The following ZIM2 variants were observed in gnomAD, a reference collection of about 807,000 sequenced individuals.
ZIM2 encodes zinc finger protein 656.
ZIM2 carries 14 observed loss-of-function variants against 38.6 expected under a neutral mutation model. That is an observed-to-expected ratio of 0.36 (90% CI 0.24 to 0.57). The LOEUF (loss-of-function observed/expected upper bound fraction) is 0.57, where lower values mean the gene tolerates loss of function less well. Among genes scored for constraint, ZIM2 ranks in the 20% least tolerant of loss-of-function variants. ZIM2 has a pLI of 0.81. For missense variants in ZIM2, 680 were observed against 695.1 expected, an observed-to-expected ratio of 0.98 and a Z score of 0.24; for synonymous variants, 247 against 245.8, an observed-to-expected ratio of 1.00 and a Z score of -0.04.
At position 56,840,710 on chromosome 19, in the gene ZIM2, G is replaced by C. The variant is rs2062922314; in HGVS notation, c.-442C>G. The C allele has an allele frequency of 6.6e-6, 1 of 152,612 alleles. No homozygotes were observed. The highest frequency in any genetic ancestry group is 2.1e-4 in the South Asian group (1 of 4,838). 9.5% of individuals were successfully genotyped at this position (152,612 alleles called of 1,614,324 possible). On this transcript the variant is annotated 5_prime_UTR_variant, in exon 1 of 13. Transcript: ENST00000629319. The stretch of plus-strand genomic sequence containing the variant: ...CGCCTCCCAAACCTCTCCTCCCGCA[G>C]CTGCCCAGACTTCTGCACCGAGGTG...
At chr19:56,786,268 T>C (rs2145888181) in intron 10 of ZIM2, among the ~76,000 whole-genome samples, 1 of 152,292 alleles carries the variant, frequency 6.6e-6, no homozygotes, top group Admixed American at 6.5e-5. Context: ...TTGAAGGCAA[T>C]ATCCTCCTTA....
intron 9 of ZIM2, chr19:56,798,212 C>A (rs1167106009): frequency 6.6e-6 from 1 of 152,180 alleles, no homozygotes; most frequent in Non-Finnish European, 1.5e-5. Context: ...GCCATGTGAA[C>A]ACGTTCCAAT....
Position 56,815,504 on chromosome 19 carries a change from G to A in ZIM2, c.490+2242C>T, listed in dbSNP as rs768254699. 9.3e-6 allele frequency: 15 copies of A among 1,614,036 alleles called. No homozygotes were observed. The East Asian group carries it at 2.5e-4, about 26-fold the overall frequency. The stretch of plus-strand genomic sequence containing the variant: ...TGGTGCTCAGTGAGGTCAGAGCTAT[G>A]AGCAAAGCACTCCCCACACTCCTGA... On this transcript the variant is annotated intron_variant, in intron 9 of 12. Coordinates refer to ENST00000629319, the MANE Select transcript of ZIM2 (RefSeq NM_001387356.1).
intron 9 of ZIM2, chr19:56,816,633 C>CTCACGTTCACGT (rs748431268): frequency 1.9e-6 from 3 of 1,613,650 alleles, no homozygotes; most frequent in African/African-American, 1.3e-5. Context: ...TTTCCCCGCG[C>CTCACGTTCACGT]TCACGTTCAC....
rs2060716340 is a variant in ZIM2 at position 56,823,603 on chromosome 19, G to C, written c.93C>G (p.Val31=). The C allele has an allele frequency of 2.5e-6, 4 of 1,613,986 alleles. No homozygotes were observed. In the African/African-American group the frequency reaches 4.0e-5, roughly 16 times the overall value. The change falls in exon 5 of 13, where the codon GTC becomes GTG. Residue 31 remains valine, a synonymous_variant. Transcript: ENST00000629319. ...ATGGGTACTCACCACTGAAAGAATG[G>C]ACTGAGTGAGGTGGTGAGGACTCTC... ...NRRESSPPHS[V]HSFSGDRDWD...
chr19:56,795,849 A>AAAAAC (rs980835275), intron 9 of ZIM2, among the ~76,000 whole-genome samples: 2 of 152,196 alleles, frequency 1.3e-5, no homozygotes, highest in Non-Finnish European at 2.9e-5. Context: ...TCAAAAAAAC[A>AAAAAC]AAAACAAAAC....
chr19:56,782,206 C>T (rs1231113026), intron 10 of ZIM2, 85 bp from the exon 11 acceptor site: 2 of 1,533,486 alleles, frequency 1.3e-6, no homozygotes, highest in Non-Finnish European at 8.8e-7. Flanking sequence ...CTTCCACGTG[C>T]TCTAATCCAG....
intron 10 of ZIM2, among the ~76,000 whole-genome samples, chr19:56,782,847 A>G (rs1378527194): frequency 1.3e-5 from 2 of 152,156 alleles, no homozygotes; most frequent in African/African-American, 4.8e-5. Context: ...TTAGGCATTT[A>G]TCCTTTGAGT....
At chr19:56,786,142 G>A (rs1017077396) in intron 10 of ZIM2, among the ~76,000 whole-genome samples, 1 of 152,158 alleles carries the variant, frequency 6.6e-6, no homozygotes, top group African/African-American at 2.4e-5. Flanking sequence ...GGAATCGCAC[G>A]GTACCCCATA....
rs1297766629 is a variant in ZIM2, at chr19:56,814,574, A to T, written c.490+3172T>A. On this transcript the variant is annotated intron_variant, in intron 9 of 12. Coordinates refer to ENST00000629319, the MANE Select transcript of ZIM2 (RefSeq NM_001387356.1). This position sits in a 1 kb window ranked among gnomAD's most constrained non-coding sequence, Gnocchi z 5.8. ...GCAAGTTCTGCTGGGTTGACGAAAG[A>T]TTCTCCACAGACTGCACATTCAAAG... The T allele has an allele frequency of 6.2e-7, 1 of 1,613,934 alleles. No homozygotes were observed. Among genetic ancestry groups the T allele is most frequent in the Non-Finnish European group, 8.5e-7 (1 of 1,179,902 alleles).
rs538456646 is a variant in ZIM2, at chr19:56,827,723, G to A, written c.-226-1260C>T. Among the ~76,000 whole-genome samples, 3 of 152,286 alleles carry A rather than the reference G, an allele frequency of 2.0e-5. No homozygotes were observed. In the South Asian group the frequency reaches 6.2e-4, roughly 32 times the overall value. On this transcript the variant is annotated intron_variant, in intron 2 of 12. Transcript: ENST00000629319. ...TTAATAGACAAGATATGTTATGTTT[G>A]TATAATGAATTACTATGAAACCCTT... is the stretch of plus-strand genomic sequence containing the variant.
intron 9 of ZIM2, among the ~76,000 whole-genome samples, chr19:56,791,505 G>C (rs944371373): frequency 6.6e-6 from 1 of 152,130 alleles, no homozygotes; most frequent in Admixed American, 6.5e-5. Context: ...ATTGAGCCAT[G>C]CATGGCTCTC....
At position 56,796,109 on chromosome 19, in the gene ZIM2, AATGTAT is replaced by A. The variant is rs575398968; in HGVS notation, c.491-6164_491-6159del. 5.0e-3 allele frequency among the ~76,000 whole-genome samples: 755 copies of A among 152,238 alleles called. 4 individuals carry two copies. Among genetic ancestry groups the A allele is most frequent in the Middle Eastern group, 0.014 (4 of 294 alleles). On this transcript the variant is annotated intron_variant, in intron 9 of 12. Coordinates refer to ENST00000629319, the MANE Select transcript of ZIM2 (RefSeq NM_001387356.1). ...AATGTTTCTTTATACTTGTAGAAGAAATGTATATGTATATGTGTGTAAGGCTTCCCT... is the reference window on the plus strand; with the variant it reads ...AATGTTTCTTTATACTTGTAGAAGAAATGTATATGTGTGTAAGGCTTCCCT...
At chr19:56,823,734 T>G in intron 4 of ZIM2, 55 bp from the exon 5 acceptor site, 3 of 1,592,032 alleles carry the variant, frequency 1.9e-6, no homozygotes, top group Non-Finnish European at 1.7e-6. Flanking sequence ...CTCACAATAG[T>G]TCCCCCCAAT....
chr19:56,836,655 G>A (rs866791586), intron 1 of ZIM2, among the ~76,000 whole-genome samples: 1 of 152,138 alleles, frequency 6.6e-6, no homozygotes, highest in Non-Finnish European at 1.5e-5. Flanking sequence ...ATATTTTGGT[G>A]AGGTTAAAGA....
intron 3 of ZIM2, chr19:56,824,637 A>T: frequency 6.3e-7 from 1 of 1,596,860 alleles, no homozygotes; most frequent in Non-Finnish European, 8.6e-7. Flanking sequence ...GTGGCAGACA[A>T]GTGCTTTGGA....
At chr19:56,811,329 G>A in intron 9 of ZIM2, 18 of 898,484 alleles carry the variant, frequency 2.0e-5, no homozygotes, top group Non-Finnish European at 2.3e-5. Context: ...TAAATGAACT[G>A]TTAAATGAAC....
Position 56,814,048 on chromosome 19 carries a change from GCT to G in ZIM2, c.490+3696_490+3697del. 1 of 1,614,116 alleles carries G rather than the reference GCT, an allele frequency of 6.2e-7. No homozygotes were observed. Among genetic ancestry groups the G allele is most frequent in the Non-Finnish European group, 8.5e-7 (1 of 1,180,024 alleles). On this transcript the variant is annotated intron_variant, in intron 9 of 12. Transcript: ENST00000629319. This position sits in a 1 kb window ranked among gnomAD's most constrained non-coding sequence, Gnocchi z 5.8. ...TTCAGCTTTTCCCTCTGGCTCTTCAGCTCTTTCTTCTGGGTCTTCAATACCTG... is the reference window on the plus strand; with the variant it reads ...TTCAGCTTTTCCCTCTGGCTCTTCAGCTTTCTTCTGGGTCTTCAATACCTG...
intron 1 of ZIM2, among the ~76,000 whole-genome samples, chr19:56,836,910 C>T (rs1202563840): frequency 1.4e-5 from 2 of 144,962 alleles, no homozygotes; most frequent in Non-Finnish European, 3.0e-5. Context: ...GCAGAGGCTG[C>T]AGTGAGCCAA....
Sources: gnomAD v4.1 joint callset for allele counts (sites outside exome capture counted in the v4.1 genomes callset) on GRCh38, gnomAD v4.1.1 for gene constraint, Gnocchi (gnomAD v3.1) non-coding constraint, MANE v1.5 for transcripts, NCBI Gene and HGNC (gene_info 2026-07-23, HGNC 2026-07-21) for gene names.